LRP1B: variants seen among roughly 807,000 people sequenced by gnomAD.
LRP1B encodes LDL receptor related protein 1B.
In LRP1B, 217 loss-of-function variants were observed where a neutral mutation model predicts 556.6. The observed-to-expected ratio is 0.39, with a 90% CI of 0.35 to 0.44. LRP1B has a LOEUF of 0.44. Among genes scored for constraint, LRP1B ranks in the 20% least tolerant of loss-of-function variants. LRP1B has a pLI of 1.00. For missense variants in LRP1B, 5,053 were observed against 5,620.8 expected (o/e 0.90, Z 3.23); for synonymous variants, 2,047 against 1,865.8 (o/e 1.10, Z -2.50).
At chr2:141,056,270 A>G (rs1021948902) in intron 9 of LRP1B, among the ~76,000 whole-genome samples, 1 of 151,862 alleles carries the variant, frequency 6.6e-6, no homozygotes, top group Non-Finnish European at 1.5e-5. Flanking sequence ...CAACTAATCA[A>G]CAACTCTCCA....
At chr2:140,688,562 T>C (rs1390817900) in intron 41 of LRP1B, among the ~76,000 whole-genome samples, 2 of 152,220 alleles carry the variant, frequency 1.3e-5, no homozygotes, top group Non-Finnish European at 2.9e-5. Context: ...ACTGCATGGA[T>C]TGCAGAAGGT....
At chr2:140,465,304 G>T (rs1251396068) in intron 60 of LRP1B, among the ~76,000 whole-genome samples, 1 of 152,080 alleles carries the variant, frequency 6.6e-6, no homozygotes, top group Non-Finnish European at 1.5e-5. Flanking sequence ...TAGCACTGGG[G>T]ATTATGATTC....
intron 2 of LRP1B, among the ~76,000 whole-genome samples, chr2:141,482,434 C>G (rs1354707721): frequency 6.6e-6 from 1 of 151,994 alleles, no homozygotes; most frequent in Admixed American, 6.6e-5. Flanking sequence ...ATGCACAACT[C>G]ATTTTCTGTA....
rs2105373536 is a variant in LRP1B at position 141,005,321 on chromosome 2, T to G, written c.2503+14A>C. 6.2e-7 allele frequency: 1 copy of G among 1,607,824 alleles called. No individual in the cohort carries two copies. The highest frequency in any genetic ancestry group is 2.2e-5 in the East Asian group (1 of 44,528). The stretch of plus-strand genomic sequence containing the variant: ...GCCCGATAAACAAATAAGGGTAACT[T>G]GAAAAGAACTTACATGTGCAAGTTG... On this transcript the variant is annotated intron_variant, in intron 15 of 90. Transcript: ENST00000389484.
Position 140,595,789 on chromosome 2 carries a change from G to C in LRP1B, c.7194+2842C>G, listed in dbSNP as rs1682418454. 3.3e-5 allele frequency among the ~76,000 whole-genome samples: 5 copies of C among 152,114 alleles called. No individual in the cohort carries two copies. The South Asian group carries it at 8.3e-4, about 25-fold the overall frequency. Reference sequence around the variant, plus strand: ...AATTACATTTTTAAAAAAGCATAAGGATTTTAAATGACTTGGTAATGTTCA... The same window carrying C: ...AATTACATTTTTAAAAAAGCATAAGCATTTTAAATGACTTGGTAATGTTCA... On this transcript the variant is annotated intron_variant, in intron 43 of 90. Coordinates refer to ENST00000389484, the MANE Select transcript of LRP1B (RefSeq NM_018557.3).
At chr2:142,111,510 G>A (rs1008274110) in intron 1 of LRP1B, among the ~76,000 whole-genome samples, 1 of 152,136 alleles carries the variant, frequency 6.6e-6, no homozygotes, top group African/African-American at 2.4e-5. Flanking sequence ...AAACATGAGA[G>A]TCTTGAGAGA....
chr2:141,104,218 T>C (rs766752895), intron 7 of LRP1B, among the ~76,000 whole-genome samples: 2 of 152,088 alleles, frequency 1.3e-5, no homozygotes, highest in African/African-American at 2.4e-5. Flanking sequence ...CCTGTGTTAA[T>C]TTATTTAGGA....
intron 1 of LRP1B, among the ~76,000 whole-genome samples, chr2:142,077,650 G>A (rs896773101): frequency 6.6e-6 from 1 of 152,070 alleles, no homozygotes; most frequent in Non-Finnish European, 1.5e-5. Flanking sequence ...TTTTTTTGAA[G>A]TGCTAAGAGA....
chr2:140,340,437 G>C (rs558988020), intron 77 of LRP1B, among the ~76,000 whole-genome samples: 3 of 151,450 alleles, frequency 2.0e-5, no homozygotes, highest in Non-Finnish European at 4.4e-5. Context: ...TCATTTTTAG[G>C]CATTAGTTAG....
intron 2 of LRP1B, among the ~76,000 whole-genome samples, chr2:141,514,879 C>A (rs1684257163): frequency 6.6e-6 from 1 of 152,156 alleles, no homozygotes. Context: ...ATTTGAAGTA[C>A]AGTTTCTACT....
chr2:141,877,891 T>C (rs1698822345), intron 1 of LRP1B, among the ~76,000 whole-genome samples: 1 of 152,002 alleles, frequency 6.6e-6, no homozygotes, highest in Non-Finnish European at 1.5e-5. Context: ...AAATAGATGT[T>C]TAAAGCTGAA....
intron 2 of LRP1B, among the ~76,000 whole-genome samples, chr2:141,807,140 G>T (rs1696190734): frequency 1.3e-5 from 2 of 151,974 alleles, no homozygotes; most frequent in Admixed American, 1.3e-4. Flanking sequence ...ATTTTATGTA[G>T]ATTAGTGATG....
At chr2:141,763,064 A>C (rs1352450151) in intron 2 of LRP1B, among the ~76,000 whole-genome samples, 1 of 152,192 alleles carries the variant, frequency 6.6e-6, no homozygotes, top group African/African-American at 2.4e-5. Flanking sequence ...TAGCCCTTTC[A>C]TGCAATAGAA....
intron 41 of LRP1B, among the ~76,000 whole-genome samples, chr2:140,691,528 C>A (rs1166680242): frequency 6.6e-6 from 1 of 150,384 alleles, no homozygotes; most frequent in Non-Finnish European, 1.5e-5. Flanking sequence ...TATCAGGAGT[C>A]TTGAAAAAGC....
chr2:141,941,343 C>T (rs1700794927), intron 1 of LRP1B, among the ~76,000 whole-genome samples: 1 of 152,146 alleles, frequency 6.6e-6, no homozygotes, highest in Admixed American at 6.5e-5. Context: ...CCACTCTTTG[C>T]TTGATGGTGT....
At chr2:140,494,417 C>T (rs150328518) in intron 56 of LRP1B, among the ~76,000 whole-genome samples, 2,512 of 151,990 alleles carry the variant, frequency 0.017, 38 homozygotes, top group Non-Finnish European at 0.026. Flanking sequence ...CTGGTGAACA[C>T]GGTGAAACCC....
At chr2:140,760,289 T>C (rs1448892749) in intron 35 of LRP1B, among the ~76,000 whole-genome samples, 4 of 152,198 alleles carry the variant, frequency 2.6e-5, no homozygotes, top group Non-Finnish European at 1.5e-5. Context: ...TGGATAATAC[T>C]TCATTTTGGG....
intron 7 of LRP1B, among the ~76,000 whole-genome samples, chr2:141,183,978 T>A (rs1209379626): frequency 6.6e-6 from 1 of 152,044 alleles, no homozygotes; most frequent in African/African-American, 2.4e-5. Flanking sequence ...ATGCACTCTG[T>A]CTCAAGTATA....
At chr2:141,390,291 GAAA>G (rs769148910) in intron 3 of LRP1B, among the ~76,000 whole-genome samples, 1 of 150,752 alleles carries the variant, frequency 6.6e-6, no homozygotes, top group African/African-American at 2.4e-5. Context: ...TTTTAATAAA[GAAA>G]AAAAAAGCGT....
Sources: allele counts gnomAD v4.1 joint callset (sites outside exome capture counted in the v4.1 genomes callset), GRCh38; gene constraint gnomAD v4.1.1; transcripts MANE v1.5; gene names NCBI Gene and HGNC (gene_info 2026-07-23, HGNC 2026-07-21).